Variants in TSPEAR observed in about 807,000 individuals in gnomAD.
TSPEAR encodes the protein thrombospondin type laminin G domain and EAR repeats, also known as thrombospondin-type laminin G domain and EAR repeat-containing protein.
TSPEAR carries 69 observed loss-of-function variants against 71.6 expected under a neutral mutation model. That is an observed-to-expected ratio of 0.96 (90% CI 0.79 to 1.18). The LOEUF (loss-of-function observed/expected upper bound fraction) is 1.18, where lower values mean the gene tolerates loss of function less well. Ranked by LOEUF, TSPEAR falls within the 50% of genes most tolerant of loss-of-function variation. The pLI is 0.00. For missense variants in TSPEAR, 971 were observed against 894.9 expected (o/e 1.09, Z -1.09); for synonymous variants, 402 against 387.2 (o/e 1.04, Z -0.45).
Position 44,520,421 on chromosome 21 carries a change from G to T in TSPEAR, c.1566+1462C>A, listed in dbSNP as rs2052711701. ...CTCGTGCCCTGAACATCCACGTAAA[G>T]CTGCCCTTCCCCACTGGACCATGAG... is the stretch of plus-strand genomic sequence containing the variant. On this transcript the variant is annotated intron_variant, in intron 9 of 11. Coordinates refer to ENST00000323084, the MANE Select transcript of TSPEAR (RefSeq NM_144991.3). This position sits in a 1 kb window ranked among gnomAD's most constrained non-coding sequence, Gnocchi z 4.2. 6.6e-6 allele frequency: 1 copy of T among 152,162 alleles called. No individual in the cohort carries two copies. Among genetic ancestry groups the T allele is most frequent in the African/African-American group, 2.4e-5 (1 of 41,430 alleles). 9.4% of individuals were successfully genotyped at this position (152,162 alleles called of 1,614,324 possible).
intron 1 of TSPEAR, among the ~76,000 whole-genome samples, chr21:44,569,076 A>G (rs1314706453): frequency 6.6e-6 from 1 of 151,954 alleles, no homozygotes; most frequent in Non-Finnish European, 1.5e-5. Context: ...GCAGGACTCC[A>G]CTCCAGGCCA....
intron 1 of TSPEAR, among the ~76,000 whole-genome samples, chr21:44,663,591 G>C (rs905609072): frequency 6.6e-6 from 1 of 151,926 alleles, no homozygotes; most frequent in Non-Finnish European, 1.5e-5. Context: ...AATCATTCCC[G>C]ATTAAATTCA....
rs781882860 is a variant in TSPEAR at position 44,504,767 on chromosome 21, G to A, written c.1856+13C>T. On this transcript the variant is annotated intron_variant, in intron 11 of 11. Transcript: ENST00000323084. ...AAGGCTCTGGGAGGAGGCCGGCCTC[G>A]GCAGCTCATTACCTGTAAATAATAC... 21 of 1,605,302 alleles carry A rather than the reference G, an allele frequency of 1.3e-5. No homozygotes were observed. Among genetic ancestry groups the A allele is most frequent in the Middle Eastern group, 1.6e-4 (1 of 6,072 alleles).
At chr21:44,677,064 A>C in intron 1 of TSPEAR, 1 of 741,356 alleles carries the variant, frequency 1.3e-6, no homozygotes, top group Non-Finnish European at 2.5e-6. Flanking sequence ...CCACCAGCTC[A>C]TGATACTGAG....
intron 2 of TSPEAR, chr21:44,558,830 C>A: frequency 7.4e-7 from 1 of 1,354,068 alleles, no homozygotes. Context: ...CCTTTATACC[C>A]CTCTGTGTTG....
intron 2 of TSPEAR, among the ~76,000 whole-genome samples, chr21:44,537,834 T>C (rs1569172195): frequency 6.6e-6 from 1 of 152,160 alleles, no homozygotes; most frequent in East Asian, 1.9e-4. Flanking sequence ...TGATAAGAAA[T>C]GGGCTAGGAA....
At chr21:44,615,279 C>G (rs114359808) in intron 1 of TSPEAR, among the ~76,000 whole-genome samples, 1 of 152,248 alleles carries the variant, frequency 6.6e-6, no homozygotes, top group Non-Finnish European at 1.5e-5. Flanking sequence ...GCACGAGGGC[C>G]GTGCGCTCAC....
intron 11 of TSPEAR, 70 bp from the exon 12 acceptor site, chr21:44,500,006 C>A: frequency 6.7e-7 from 1 of 1,484,514 alleles, no homozygotes; most frequent in Non-Finnish European, 8.9e-7. Flanking sequence ...CCGGCTCCCA[C>A]CCGCGCTGTC....
At position 44,606,910 on chromosome 21, in the gene TSPEAR, C is replaced by A. The variant is rs587720294; in HGVS notation, c.83-38905G>T. 6.6e-5 allele frequency among the ~76,000 whole-genome samples: 10 copies of A among 152,268 alleles called. No homozygotes were observed. In the South Asian group the frequency reaches 1.2e-3, roughly 19 times the overall value. ...GGGAGATGTTGATCAAAGGAAACAA[C>A]CTTTCCATCACACTGGAGGAAAAAG... On this transcript the variant is annotated intron_variant, in intron 1 of 11. Transcript: ENST00000323084.
chr21:44,557,603 A>G (rs1406498450), intron 2 of TSPEAR, among the ~76,000 whole-genome samples: 1 of 152,112 alleles, frequency 6.6e-6, no homozygotes, highest in Non-Finnish European at 1.5e-5. Context: ...CGGGGCCTGG[A>G]GACGCTGAGG....
intron 10 of TSPEAR, 80 bp downstream of exon 10, chr21:44,509,119 G>C: frequency 6.7e-7 from 1 of 1,488,110 alleles, no homozygotes; most frequent in Non-Finnish European, 9.2e-7. Flanking sequence ...AGGGTGGTGA[G>C]GATGAGCCTA....
At chr21:44,653,762 G>A (rs587676090) in intron 1 of TSPEAR, among the ~76,000 whole-genome samples, 70 of 152,324 alleles carry the variant, frequency 4.6e-4, no homozygotes, top group Admixed American at 8.5e-4. Flanking sequence ...AACAAAGTGG[G>A]ACGAAGGAAG....
intron 8 of TSPEAR, among the ~76,000 whole-genome samples, chr21:44,525,233 G>T (rs587637512): frequency 6.6e-6 from 1 of 152,306 alleles, no homozygotes; most frequent in South Asian, 2.1e-4. Context: ...CAGTCAGTCA[G>T]GTAGTTAGTC....
intron 1 of TSPEAR, among the ~76,000 whole-genome samples, chr21:44,691,697 T>C (rs1987130254): frequency 6.6e-6 from 1 of 152,202 alleles, no homozygotes; most frequent in Non-Finnish European, 1.5e-5. Context: ...AATAGAGAAC[T>C]GAACCCACTA....
chr21:44,601,593 C>G (rs587761339), intron 1 of TSPEAR: 93 of 1,613,480 alleles, frequency 5.8e-5, no homozygotes, highest in Middle Eastern at 1.6e-4. Context: ...GCTGCGTGCC[C>G]GTCCCCTCCT....
rs370710609 is a variant in TSPEAR at position 44,574,871 on chromosome 21, C to G, written c.83-6866G>C. On this transcript the variant is annotated intron_variant, in intron 1 of 11. Transcript: ENST00000323084. ...TCCTCTGCCGCCCCGTGTGCAGGCCCGCCTGCTGCGTGCCCGTCCCTTCCT... is the reference window on the plus strand; with the variant it reads ...TCCTCTGCCGCCCCGTGTGCAGGCCGGCCTGCTGCGTGCCCGTCCCTTCCT... The G allele has an allele frequency of 1.9e-6, 3 of 1,612,398 alleles. No homozygotes were observed. In the East Asian group the frequency reaches 6.7e-5, roughly 36 times the overall value.
chr21:44,527,058 T>C (rs1028018689), intron 7 of TSPEAR, among the ~76,000 whole-genome samples: 5 of 152,218 alleles, frequency 3.3e-5, no homozygotes, highest in African/African-American at 1.2e-4. Context: ...AGATGGCATG[T>C]GGGAAATGGT....
intron 1 of TSPEAR, among the ~76,000 whole-genome samples, chr21:44,672,053 G>GAAATA (rs1986079502): frequency 6.6e-6 from 1 of 151,828 alleles, no homozygotes; most frequent in Non-Finnish European, 1.5e-5. Context: ...TTCAATACAT[G>GAAATA]AAATAAAAAA....
intron 1 of TSPEAR, among the ~76,000 whole-genome samples, chr21:44,660,470 A>G (rs1384675540): frequency 2.0e-5 from 3 of 152,262 alleles, no homozygotes; most frequent in Non-Finnish European, 2.9e-5. Flanking sequence ...GACCGAAAGT[A>G]CATCTTTAAA....
Sources: gnomAD v4.1 joint callset for allele counts (sites outside exome capture counted in the v4.1 genomes callset) on GRCh38, gnomAD v4.1.1 for gene constraint, Gnocchi (gnomAD v3.1) non-coding constraint, MANE v1.5 for transcripts, NCBI Gene and HGNC (gene_info 2026-07-23, HGNC 2026-07-21) for gene names.